The following CNTN6 variants were observed in gnomAD, a reference collection of about 807,000 sequenced individuals.
The protein encoded by CNTN6 is contactin 6.
A neutral mutation model predicts 122.8 loss-of-function variants in CNTN6; 137 were observed. That is an observed-to-expected ratio of 1.12 (90% CI 0.97 to 1.29). CNTN6 has a LOEUF of 1.29. Among genes scored for constraint, CNTN6 ranks in the 50% most tolerant of loss-of-function variants. The probability of loss-of-function intolerance (pLI) is 0.00; values close to 1 mark genes in which losing one functional copy is unlikely to be tolerated. For synonymous variants in CNTN6, 570 were observed against 426.0 expected (o/e 1.34, Z -4.16); for missense variants, 1,634 against 1,223.4 (o/e 1.34, Z -5.01).
At chr3:1,236,972 T>G (rs901669596) in intron 4 of CNTN6, among the ~76,000 whole-genome samples, 1 of 151,784 alleles carries the variant, frequency 6.6e-6, no homozygotes, top group Non-Finnish European at 1.5e-5. Flanking sequence ...TGCCAGCTAC[T>G]TGGAAGGCTG....
chr3:1,308,287 T>TTGTGTGTGTGTG (rs113198519), intron 7 of CNTN6, among the ~76,000 whole-genome samples: 1,625 of 144,878 alleles, frequency 0.011, 19 homozygotes, highest in East Asian at 0.045. Context: ...ATGGGGTGTT[T>TTGTGTGTGTGTG]TGTGTGTGTG....
At chr3:1,151,856 G>A (rs2092850139) in intron 2 of CNTN6, among the ~76,000 whole-genome samples, 1 of 151,904 alleles carries the variant, frequency 6.6e-6, no homozygotes, top group Admixed American at 6.6e-5. Context: ...TGAAAATGAG[G>A]AAAAGAGCAA....
Position 1,151,847 on chromosome 3 carries a change from G to A in CNTN6, c.55+3784G>A, listed in dbSNP as rs1204942247. ...CTGGGATAAATGCTTATTCACTAAT[G>A]AAAATGAGGAAAAGAGCAAATAAAA... On this transcript the variant is annotated intron_variant, in intron 2 of 22. Transcript: ENST00000446702. Among the ~76,000 whole-genome samples the A allele has an allele frequency of 3.9e-5, 6 of 152,062 alleles. No homozygotes were observed. In the East Asian group the frequency reaches 1.2e-3, roughly 29 times the overall value.
chr3:1,193,309 T>G (rs769876012), intron 2 of CNTN6, among the ~76,000 whole-genome samples: 12 of 151,572 alleles, frequency 7.9e-5, no homozygotes, highest in Non-Finnish European at 1.8e-4. Context: ...GTGGAAGTAT[T>G]ATGTCTTGGC....
intron 2 of CNTN6, among the ~76,000 whole-genome samples, chr3:1,160,820 G>C (rs1280402229): frequency 6.6e-6 from 1 of 152,064 alleles, no homozygotes; most frequent in Non-Finnish European, 1.5e-5. Context: ...ACTCGTAGCA[G>C]CTCATGAAAG....
At chr3:1,266,662 T>G (rs1004401775) in intron 4 of CNTN6, among the ~76,000 whole-genome samples, 1 of 152,214 alleles carries the variant, frequency 6.6e-6, no homozygotes, top group Non-Finnish European at 1.5e-5. Context: ...GCTCTGTCTA[T>G]GAAGGACCAT....
intron 12 of CNTN6, among the ~76,000 whole-genome samples, chr3:1,357,006 T>C (rs1706665936): frequency 6.6e-6 from 1 of 151,828 alleles, no homozygotes; most frequent in Non-Finnish European, 1.5e-5. Flanking sequence ...TTCATGAAAA[T>C]TTAGTTCACA....
At chr3:1,112,266 G>A (rs2091516392) in intron 1 of CNTN6, among the ~76,000 whole-genome samples, 1 of 152,290 alleles carries the variant, frequency 6.6e-6, no homozygotes, top group African/African-American at 2.4e-5. Context: ...AATCAGTTAA[G>A]TATGTGTATA....
At chr3:1,358,977 T>A (rs1707046963) in intron 12 of CNTN6, among the ~76,000 whole-genome samples, 1 of 151,992 alleles carries the variant, frequency 6.6e-6, no homozygotes, top group African/African-American at 2.4e-5. Context: ...GAAGGATCAC[T>A]TGAGCTCAGA....
In CNTN6 at chr3:1,391,770, CAGAG is replaced by C. The variant is rs1170336469; in HGVS notation, c.2704+5976_2704+5979del. 9.3e-5 allele frequency among the ~76,000 whole-genome samples: 14 copies of C among 149,950 alleles called. No individual in the cohort carries two copies. The South Asian group carries it at 1.1e-3, about 11-fold the overall frequency. On this transcript the variant is annotated intron_variant, in intron 20 of 22. Transcript: ENST00000446702. ...TTCTTATACACCAACAACAGACAAA[CAGAG>C]AGCCAAATCATGAGTGAACTCCCAT...
At chr3:1,135,431 A>T (rs983383173) in intron 1 of CNTN6, among the ~76,000 whole-genome samples, 1 of 152,142 alleles carries the variant, frequency 6.6e-6, no homozygotes, top group Admixed American at 6.5e-5. Flanking sequence ...AGCCAACAGA[A>T]ACAGAATGGA....
intron 2 of CNTN6, among the ~76,000 whole-genome samples, chr3:1,183,791 A>G (rs1396253625): frequency 1.3e-5 from 2 of 152,154 alleles, no homozygotes; most frequent in African/African-American, 4.8e-5. Flanking sequence ...GTGAGTCAGT[A>G]GTCTGGGCAC....
chr3:1,114,509 G>T (rs1375322668), intron 1 of CNTN6, among the ~76,000 whole-genome samples: 1 of 152,158 alleles, frequency 6.6e-6, no homozygotes, highest in Non-Finnish European at 1.5e-5. Flanking sequence ...GTCCTATGTG[G>T]ATACAAATTT....
In CNTN6 at chr3:1,096,100, A is replaced by AT. The variant is rs1299843902; in HGVS notation, c.-83+2986dup. 6.6e-5 allele frequency among the ~76,000 whole-genome samples: 10 copies of AT among 152,198 alleles called. No individual in the cohort carries two copies. In the South Asian group the frequency reaches 1.5e-3, roughly 22 times the overall value. On this transcript the variant is annotated intron_variant, in intron 1 of 22. Transcript: ENST00000446702. ...CGTTATCTTTCTTGGATCAAGCTTA[A>AT]TTTTTTCTTTTGGAAATGTGTAAAT... is the stretch of plus-strand genomic sequence containing the variant.
intron 2 of CNTN6, among the ~76,000 whole-genome samples, chr3:1,156,510 C>T (rs955902961): frequency 2.0e-5 from 3 of 152,156 alleles, no homozygotes; most frequent in Admixed American, 1.3e-4. Context: ...CTAGTGCATT[C>T]GAGTTTATAA....
rs565928413 is a variant in CNTN6 at position 1,348,398 on chromosome 3, C to A, written c.1365-3926C>A. On this transcript the variant is annotated intron_variant, in intron 11 of 22. Transcript: ENST00000446702. The stretch of plus-strand genomic sequence containing the variant: ...TGTTAAGATATCTATGGTTAAAACT[C>A]TCTTCCAGAGCAGGGGAACGGATAT... Among the ~76,000 whole-genome samples the A allele has an allele frequency of 7.9e-5, 12 of 152,028 alleles. No individual in the cohort carries two copies. In the South Asian group the frequency reaches 2.5e-3, roughly 32 times the overall value.
intron 11 of CNTN6, among the ~76,000 whole-genome samples, chr3:1,351,037 C>CT (rs1705547860): frequency 1.3e-5 from 2 of 151,732 alleles, no homozygotes; most frequent in East Asian, 1.9e-4. Context: ...GGAGAATACT[C>CT]TAAGATAATG....
intron 1 of CNTN6, among the ~76,000 whole-genome samples, chr3:1,135,924 G>A (rs1259646345): frequency 1.3e-5 from 2 of 152,072 alleles, no homozygotes; most frequent in African/African-American, 2.4e-5. Flanking sequence ...CCTGGGAGGC[G>A]GAGGTTGCCG....
At chr3:1,235,636 A>G (rs1056986800) in intron 4 of CNTN6, among the ~76,000 whole-genome samples, 1 of 152,174 alleles carries the variant, frequency 6.6e-6, no homozygotes, top group Non-Finnish European at 1.5e-5. Flanking sequence ...ATAGAGCAGC[A>G]TGTGGAGACT....
Sources: gnomAD v4.1 joint callset for allele counts (sites outside exome capture counted in the v4.1 genomes callset) on GRCh38, gnomAD v4.1.1 for gene constraint, MANE v1.5 for transcripts, NCBI Gene and HGNC (gene_info 2026-07-23, HGNC 2026-07-21) for gene names.